LONP2: variants seen among roughly 807,000 people sequenced by gnomAD.
The protein encoded by LONP2 is lon protease homolog 2, peroxisomal.
Under a neutral mutation model 85.6 loss-of-function variants are expected in LONP2, and 60 were observed. The ratio of observed to expected loss-of-function variants is 0.70; its 90% confidence interval spans 0.57 to 0.87. LONP2 has a LOEUF of 0.87. Among genes scored for constraint, LONP2 ranks in the 40% least tolerant of loss-of-function variants. The probability of loss-of-function intolerance (pLI) is 0.00; values close to 1 mark genes in which losing one functional copy is unlikely to be tolerated. For missense variants in LONP2, 860 were observed against 1,063.5 expected (o/e 0.81, Z 2.66); for synonymous variants, 395 against 389.7 (o/e 1.01, Z -0.16).
chr16:48,292,463 A>G (rs186996804), intron 8 of LONP2, among the ~76,000 whole-genome samples: 3 of 152,178 alleles, frequency 2.0e-5, no homozygotes, highest in African/African-American at 7.2e-5. Flanking sequence ...TTGCTTAGTG[A>G]TTTGGGGGTC....
At chr16:48,286,428 A>T (rs1221211922) in intron 8 of LONP2, among the ~76,000 whole-genome samples, 1 of 152,166 alleles carries the variant, frequency 6.6e-6, no homozygotes, top group Non-Finnish European at 1.5e-5. Context: ...GTCGTGAGCC[A>T]CCGTGCCTGG....
At position 48,294,095 on chromosome 16, in the gene LONP2, C is replaced by G. The variant is rs1204373015; in HGVS notation, c.1384-1920C>G. On this transcript the variant is annotated intron_variant, in intron 8 of 14. Transcript: ENST00000285737. The stretch of plus-strand genomic sequence containing the variant: ...GGAGCTACAGGCATGTGCCACCATA[C>G]CAGGCTAATTTTTGTATTTTTTTTT... Among the ~76,000 whole-genome samples, 4 of 152,224 alleles carry G rather than the reference C, an allele frequency of 2.6e-5. No individual in the cohort carries two copies. The East Asian group carries it at 7.7e-4, about 29-fold the overall frequency.
chr16:48,312,080 A>G (rs989200865), intron 11 of LONP2, among the ~76,000 whole-genome samples: 1 of 151,820 alleles, frequency 6.6e-6, no homozygotes, highest in Non-Finnish European at 1.5e-5. Flanking sequence ...AGCTGGGATT[A>G]CAAGCGTGCG....
intron 7 of LONP2, among the ~76,000 whole-genome samples, chr16:48,271,410 C>T (rs1972102936): frequency 1.3e-5 from 2 of 152,044 alleles, no homozygotes; most frequent in Non-Finnish European, 2.9e-5. Context: ...AATGTAGGAA[C>T]CATGAACTGC....
chr16:48,286,142 C>CT (rs112681466), intron 8 of LONP2, among the ~76,000 whole-genome samples: 24,139 of 137,364 alleles, frequency 0.18, 2,529 homozygotes, highest in Middle Eastern at 0.27. Flanking sequence ...GATTTGTAAT[C>CT]TTTTTTTTTT....
intron 12 of LONP2, among the ~76,000 whole-genome samples, chr16:48,336,716 TG>T (rs1449904107): frequency 5.3e-5 from 8 of 152,176 alleles, no homozygotes; most frequent in Non-Finnish European, 7.3e-5. Context: ...CAAATCACAA[TG>T]GTGGAATGTC....
At chr16:48,286,893 GTTATAT>G (rs1381239128) in intron 8 of LONP2, among the ~76,000 whole-genome samples, 2 of 151,892 alleles carry the variant, frequency 1.3e-5, no homozygotes, top group East Asian at 1.9e-4. Flanking sequence ...TATTTAGAGT[GTTATAT>G]TTATATTAAA....
intron 7 of LONP2, among the ~76,000 whole-genome samples, chr16:48,271,867 T>G (rs576685577): frequency 1.3e-5 from 2 of 152,362 alleles, no homozygotes; most frequent in Non-Finnish European, 2.9e-5. Flanking sequence ...CTTCTTATTC[T>G]TGCATGTACC....
rs543544861 is a variant in LONP2 at position 48,293,358 on chromosome 16, G to A, written c.1384-2657G>A. ...CAGGAGAATGGCGTGAGCCCGGGAG[G>A]CGGAGCTTGCAGTGAGCCGAGATCG... On this transcript the variant is annotated intron_variant, in intron 8 of 14. Coordinates refer to ENST00000285737, the MANE Select transcript of LONP2 (RefSeq NM_031490.5). Among the ~76,000 whole-genome samples, 681 of 152,254 alleles carry A rather than the reference G, an allele frequency of 4.5e-3. 3 individuals carry two copies. Among genetic ancestry groups the A allele is most frequent in the Non-Finnish European group, 8.3e-3 (566 of 68,018 alleles).
chr16:48,326,656 T>G (rs1167508536), intron 11 of LONP2, among the ~76,000 whole-genome samples: 1 of 152,234 alleles, frequency 6.6e-6, no homozygotes, highest in Admixed American at 6.5e-5. Flanking sequence ...TGCCATTGGT[T>G]GGATCACTGG....
intron 6 of LONP2, among the ~76,000 whole-genome samples, chr16:48,263,997 A>G (rs1440987227): frequency 6.6e-6 from 1 of 152,176 alleles, no homozygotes; most frequent in Non-Finnish European, 1.5e-5. Context: ...GGGATTTTCA[A>G]AAGGGGAGGG....
chr16:48,251,498 C>T (rs1971647529), intron 1 of LONP2, among the ~76,000 whole-genome samples: 1 of 152,126 alleles, frequency 6.6e-6, no homozygotes, highest in Non-Finnish European at 1.5e-5. Context: ...TAGGTTGAGA[C>T]CTTTTGAGAT....
intron 6 of LONP2, among the ~76,000 whole-genome samples, chr16:48,264,109 CGA>C (rs1971936161): frequency 6.6e-6 from 1 of 152,120 alleles, no homozygotes; most frequent in Non-Finnish European, 1.5e-5. Context: ...ACCACAGCTC[CGA>C]GGCGAAATTA....
At chr16:48,315,963 A>ATTTTTTTTT (rs201723319) in intron 11 of LONP2, among the ~76,000 whole-genome samples, 25 of 107,576 alleles carry the variant, frequency 2.3e-4, no homozygotes, top group African/African-American at 2.9e-4. Flanking sequence ...CCATATTGTA[A>ATTTTTTTTT]TTTTTTTTTT....
chr16:48,252,318 G>A lies in LONP2; in HGVS notation c.421G>A (p.Glu141Lys). The A allele has an allele frequency of 2.5e-6, 4 of 1,613,364 alleles. No homozygotes were observed. Among genetic ancestry groups the A allele is most frequent in the Non-Finnish European group, 3.4e-6 (4 of 1,179,712 alleles). The change falls in exon 2 of 15, where the codon GAG becomes AAG. Residue 141 changes from glutamate (E) to lysine (K), a missense_variant. Glu to Lys is a moderately conservative substitution (Grantham distance 56). This residue lies in a region of LONP2 where 743 missense variants were observed against 917.3 expected (regional missense o/e 0.81). Coordinates refer to ENST00000285737, the MANE Select transcript of LONP2 (RefSeq NM_031490.5). ...GTTTCCCAACACCTGTAAAATGAGG[G>A]AGGAGCTAGGAGAACTATCAGAGCA... ...EEFPNTCKMR[E>K]ELGELSEQFY...
intron 1 of LONP2, among the ~76,000 whole-genome samples, chr16:48,248,150 G>A (rs902987932): frequency 6.6e-6 from 1 of 151,728 alleles, no homozygotes. Context: ...TTGAGACAGG[G>A]TCTCACTCTG....
At chr16:48,343,403 T>C (rs921961488) in intron 12 of LONP2, among the ~76,000 whole-genome samples, 37 of 152,154 alleles carry the variant, frequency 2.4e-4, no homozygotes, top group African/African-American at 8.7e-4. Flanking sequence ...CATTGATGTA[T>C]TAAGAATGCA....
downstream of LONP2, among the ~76,000 whole-genome samples, chr16:48,358,353 G>C (rs1462171702): frequency 6.6e-6 from 1 of 152,030 alleles, no homozygotes; most frequent in Non-Finnish European, 1.5e-5. Context: ...AAAACATACA[G>C]GTATGTTCAT....
intron 8 of LONP2, among the ~76,000 whole-genome samples, chr16:48,285,724 T>A (rs1401852111): frequency 6.6e-6 from 1 of 152,204 alleles, no homozygotes; most frequent in African/African-American, 2.4e-5. Flanking sequence ...TCTCTATTTG[T>A]CAAGACATCA....
Sources: gnomAD v4.1 joint callset for allele counts (sites outside exome capture counted in the v4.1 genomes callset) on GRCh38, gnomAD v4.1.1 for gene constraint, gnomAD v4.1.1 regional missense constraint, MANE v1.5 for transcripts, NCBI Gene and HGNC (gene_info 2026-07-23, HGNC 2026-07-21) for gene names.